Variants in LRRTM4 observed in about 807,000 individuals in gnomAD.
The protein encoded by LRRTM4 is leucine rich repeat transmembrane neuronal 4.
A neutral mutation model predicts 47.6 loss-of-function variants in LRRTM4; 25 were observed. The ratio of observed to expected loss-of-function variants is 0.53; its 90% CI spans 0.38 to 0.73. LRRTM4 has a LOEUF of 0.73. Ranked by LOEUF, LRRTM4 falls within the 30% of genes least tolerant of loss-of-function variation. The pLI is 0.00. For synonymous variants in LRRTM4, 311 were observed against 269.5 expected (o/e 1.15, Z -1.51); for missense variants, 638 against 713.4 (o/e 0.89, Z 1.20).
At chr2:77,234,450 A>C (rs1305013508) in intron 3 of LRRTM4, among the ~76,000 whole-genome samples, 1 of 152,216 alleles carries the variant, frequency 6.6e-6, no homozygotes, top group Non-Finnish European at 1.5e-5. Context: ...TATGTCTACA[A>C]GTGTAAAAAA....
chr2:77,246,900 C>T (rs768027390), intron 3 of LRRTM4, among the ~76,000 whole-genome samples: 1 of 151,678 alleles, frequency 6.6e-6, no homozygotes, highest in African/African-American at 2.4e-5. Flanking sequence ...TCTTTTTTAT[C>T]AAGCAAAATA....
chr2:77,048,985 T>G (rs986469960), intron 3 of LRRTM4, among the ~76,000 whole-genome samples: 17 of 151,452 alleles, frequency 1.1e-4, no homozygotes, highest in Non-Finnish European at 2.5e-4. Flanking sequence ...AAATCAGCTT[T>G]TTAGTTTCCA....
chr2:77,481,788 A>T (rs1336248846), intron 3 of LRRTM4, among the ~76,000 whole-genome samples: 1 of 152,326 alleles, frequency 6.6e-6, no homozygotes, highest in East Asian at 1.9e-4. Flanking sequence ...AAAATGTGTG[A>T]CTATCCAAAG....
intron 3 of LRRTM4, among the ~76,000 whole-genome samples, chr2:77,500,717 C>T (rs1029068217): frequency 1.3e-5 from 2 of 151,394 alleles, no homozygotes; most frequent in African/African-American, 2.4e-5. Flanking sequence ...TAAAAAATAA[C>T]GCAATTCCAA....
intron 3 of LRRTM4, among the ~76,000 whole-genome samples, chr2:76,781,677 C>A (rs976388107): frequency 6.6e-6 from 1 of 152,228 alleles, no homozygotes; most frequent in African/African-American, 2.4e-5. Context: ...GAGATTAACC[C>A]GGTACCTCAG....
At chr2:77,082,069 CTTAT>C (rs1053681569) in intron 3 of LRRTM4, among the ~76,000 whole-genome samples, 14 of 152,032 alleles carry the variant, frequency 9.2e-5, no homozygotes, top group Non-Finnish European at 1.6e-4. Context: ...TGTATTACTG[CTTAT>C]TTAACTTTTT....
chr2:77,060,114 A>G (rs1465718751), intron 3 of LRRTM4, among the ~76,000 whole-genome samples: 1 of 152,242 alleles, frequency 6.6e-6, no homozygotes, highest in Non-Finnish European at 1.5e-5. Flanking sequence ...TTCATGGTAG[A>G]GAACAACTGG....
At chr2:77,305,717 C>A (rs190199719) in intron 3 of LRRTM4, among the ~76,000 whole-genome samples, 2 of 151,930 alleles carry the variant, frequency 1.3e-5, no homozygotes, top group South Asian at 4.1e-4. Flanking sequence ...TGATATGATA[C>A]CTCAAATTTA....
chr2:77,143,150 G>A (rs1015954693), intron 3 of LRRTM4, among the ~76,000 whole-genome samples: 8 of 152,078 alleles, frequency 5.3e-5, no homozygotes, highest in African/African-American at 9.7e-5. Flanking sequence ...ATTATCCTAT[G>A]AGGCTATTCT....
intron 3 of LRRTM4, among the ~76,000 whole-genome samples, chr2:76,942,185 T>C (rs1029537769): frequency 6.6e-6 from 1 of 152,164 alleles, no homozygotes; most frequent in Non-Finnish European, 1.5e-5. Context: ...TTTGTTTAAG[T>C]TCCTTGTAGA....
At chr2:76,814,251 A>C (rs1670832369) in intron 3 of LRRTM4, among the ~76,000 whole-genome samples, 1 of 152,166 alleles carries the variant, frequency 6.6e-6, no homozygotes, top group Admixed American at 6.6e-5. Flanking sequence ...GATATAAAGA[A>C]AGAATAACTT....
At chr2:76,829,057 T>A (rs1016904650) in intron 3 of LRRTM4, among the ~76,000 whole-genome samples, 1 of 152,076 alleles carries the variant, frequency 6.6e-6, no homozygotes, top group African/African-American at 2.4e-5. Context: ...ACCAAGGGAA[T>A]GTCCCTATTC....
At chr2:77,383,172 G>A (rs1365460440) in intron 3 of LRRTM4, among the ~76,000 whole-genome samples, 1 of 151,944 alleles carries the variant, frequency 6.6e-6, no homozygotes, top group African/African-American at 2.4e-5. Flanking sequence ...CTAATATTAT[G>A]TTACTATTTG....
intron 3 of LRRTM4, among the ~76,000 whole-genome samples, chr2:77,357,883 C>T (rs975358666): frequency 6.6e-6 from 1 of 152,042 alleles, no homozygotes; most frequent in African/African-American, 2.4e-5. Flanking sequence ...GAAAAAATAA[C>T]TTCCCACTCA....
intron 3 of LRRTM4, among the ~76,000 whole-genome samples, chr2:77,398,901 G>C (rs1673821096): frequency 6.6e-6 from 1 of 151,832 alleles, no homozygotes; most frequent in African/African-American, 2.4e-5. Context: ...ACAGGGGAAA[G>C]AGGTGCTTTG....
chr2:77,397,852 T>C (rs1047452761), intron 3 of LRRTM4, among the ~76,000 whole-genome samples: 1 of 151,860 alleles, frequency 6.6e-6, no homozygotes, highest in Non-Finnish European at 1.5e-5. Context: ...TACGATTCCA[T>C]TGGTAGTGAT....
At chr2:77,436,143 T>C (rs1040991985) in intron 3 of LRRTM4, among the ~76,000 whole-genome samples, 13 of 152,074 alleles carry the variant, frequency 8.5e-5, no homozygotes, top group Non-Finnish European at 7.4e-5. Flanking sequence ...AATTACTGAA[T>C]CATCTATTGA....
intron 3 of LRRTM4, among the ~76,000 whole-genome samples, chr2:76,790,017 G>C (rs1674890927): frequency 6.6e-6 from 1 of 152,144 alleles, no homozygotes; most frequent in African/African-American, 2.4e-5. Context: ...TCTACTGTGG[G>C]AATTGGATAA....
intron 3 of LRRTM4, among the ~76,000 whole-genome samples, chr2:76,843,950 G>A: frequency 7.1e-6 from 1 of 140,830 alleles, no homozygotes; most frequent in East Asian, 2.1e-4. Flanking sequence ...TGCCCAGACT[G>A]GAGTGCAGTG....
Sources: allele counts gnomAD v4.1 joint callset (sites outside exome capture counted in the v4.1 genomes callset), GRCh38; gene constraint gnomAD v4.1.1; transcripts MANE v1.5; gene names NCBI Gene and HGNC (gene_info 2026-07-23, HGNC 2026-07-21).